The following PPIL6 variants were observed in gnomAD, a reference collection of about 807,000 sequenced individuals.
PPIL6 encodes peptidylprolyl isomerase like 6, also known as probable inactive peptidyl-prolyl cis-trans isomerase-like 6.
A neutral mutation model predicts 36.8 loss-of-function variants in PPIL6; 39 were observed. The observed-to-expected ratio is 1.06, with a 90% CI of 0.82 to 1.38. PPIL6 has a LOEUF of 1.38. Ranked by LOEUF, PPIL6 falls within the 40% of genes most tolerant of loss-of-function variation. The pLI is 0.00. For missense variants in PPIL6, 368 were observed against 379.1 expected, an observed-to-expected ratio of 0.97 and a Z score of 0.24; for synonymous variants, 123 against 134.1, an observed-to-expected ratio of 0.92 and a Z score of 0.57.
chr6:109,396,380 C>T (rs757458890), intron 7 of PPIL6, among the ~76,000 whole-genome samples: 46 of 152,174 alleles, frequency 3.0e-4, no homozygotes, highest in Non-Finnish European at 6.2e-4. Context: ...CAGCATGGCA[C>T]CCGCAGTCCA....
intron 6 of PPIL6, among the ~76,000 whole-genome samples, chr6:109,414,477 C>CTTTTTTTTTTTTTTTTTTTTTT (rs146541023): frequency 1.2e-5 from 1 of 86,512 alleles, no homozygotes; most frequent in Non-Finnish European, 2.0e-5. Context: ...TGTCTTTTAG[C>CTTTTTTTTTTTTTTTTTTTTTT]TTTTTTTTTT....
chr6:109,410,966 T>C (rs973574592), intron 6 of PPIL6, among the ~76,000 whole-genome samples: 1 of 152,252 alleles, frequency 6.6e-6, no homozygotes, highest in African/African-American at 2.4e-5. Context: ...CACATCCCAA[T>C]AGGGCTTCTG....
intron 7 of PPIL6, 66 bp from the exon 8 acceptor site, chr6:109,393,003 G>A (rs1772151807): frequency 7.0e-6 from 6 of 857,994 alleles, no homozygotes; most frequent in South Asian, 4.6e-5. Flanking sequence ...TTAACATTCC[G>A]AAATGGGGTC....
chr6:109,396,382 C>A (rs1234489145), intron 7 of PPIL6, among the ~76,000 whole-genome samples: 1 of 152,154 alleles, frequency 6.6e-6, no homozygotes, highest in East Asian at 1.9e-4. Context: ...GCATGGCACC[C>A]GCAGTCCATT....
intron 6 of PPIL6, among the ~76,000 whole-genome samples, chr6:109,405,661 T>C (rs1378896255): frequency 6.6e-6 from 1 of 152,102 alleles, no homozygotes; most frequent in Non-Finnish European, 1.5e-5. Context: ...TGAGAAACAC[T>C]AGGGAAATGA....
chr6:109,429,537 G>A (rs1026005842), intron 3 of PPIL6, among the ~76,000 whole-genome samples: 7 of 152,130 alleles, frequency 4.6e-5, no homozygotes, highest in Admixed American at 4.6e-4. Context: ...AAAGGGGCCA[G>A]ATTCTCCCTC....
chr6:109,440,167 T>C (rs1337332542), intron 1 of PPIL6: 3 of 498,422 alleles, frequency 6.0e-6, no homozygotes, highest in Admixed American at 2.6e-5. Flanking sequence ...TGTGTGTGTC[T>C]CGGAGGGGAT....
intron 1 of PPIL6, among the ~76,000 whole-genome samples, chr6:109,437,135 T>C (rs1337749821): frequency 2.0e-5 from 3 of 152,244 alleles, no homozygotes; most frequent in African/African-American, 7.2e-5. Context: ...TCTTATTGGT[T>C]AGCAATCCAG....
upstream of PPIL6, chr6:109,440,858 C>A: frequency 1.9e-6 from 1 of 525,232 alleles, no homozygotes; most frequent in Non-Finnish European, 3.3e-6. Flanking sequence ...TAGCGCGCGG[C>A]CCTTACCGAG....
upstream of PPIL6, chr6:109,441,101 C>G: frequency 6.2e-7 from 1 of 1,613,950 alleles, no homozygotes; most frequent in Non-Finnish European, 8.5e-7. Flanking sequence ...AGCCGCCTAG[C>G]GCCCCTGGAG....
Position 109,432,914 on chromosome 6 carries a change from C to T in PPIL6, c.232-1569G>A, listed in dbSNP as rs554339189. Among the ~76,000 whole-genome samples the T allele has an allele frequency of 7.2e-5, 11 of 152,256 alleles. 1 individual carries two copies. The highest frequency in any genetic ancestry group is 2.6e-4 in the African/African-American group (11 of 41,558). On this transcript the variant is annotated intron_variant, in intron 2 of 7. Transcript: ENST00000521072. ...GATTTAATATCCTATTGCTTGCTTC[C>T]TATGCCCTTATCAAAACCTGCTTCT...
intron 5 of PPIL6, among the ~76,000 whole-genome samples, chr6:109,423,556 T>C (rs929342020): frequency 1.3e-5 from 2 of 152,274 alleles, no homozygotes; most frequent in African/African-American, 4.8e-5. Flanking sequence ...TATTGAAAAA[T>C]GAATCTTTGT....
In PPIL6 at chr6:109,426,606, A is replaced by G. The variant is rs554398775; in HGVS notation, c.631+241T>C. ...AAATAAAATGTCACCCTACTCTCCTATGTCATTTTTGAATTTGGAATATTC... is the reference window on the plus strand; with the variant it reads ...AAATAAAATGTCACCCTACTCTCCTGTGTCATTTTTGAATTTGGAATATTC... On this transcript the variant is annotated intron_variant, in intron 5 of 7. Transcript: ENST00000521072. Among the ~76,000 whole-genome samples, 20 of 152,298 alleles carry G rather than the reference A, an allele frequency of 1.3e-4. No individual in the cohort carries two copies. The South Asian group carries it at 4.1e-3, about 32-fold the overall frequency.
intron 5 of PPIL6, among the ~76,000 whole-genome samples, chr6:109,422,244 G>A (rs1773588757): frequency 6.6e-6 from 1 of 152,136 alleles, no homozygotes; most frequent in South Asian, 2.1e-4. Context: ...TTGGGAGGCT[G>A]AAGTGGGAGG....
chr6:109,436,245 A>AG lies in PPIL6; in HGVS notation c.136-47_136-46insC, dbSNP rs781065814. On this transcript the variant is annotated intron_variant, in intron 1 of 7. Transcript: ENST00000521072. ...ATTATTTTAGAGTTAGTTCTCTTTTAAAGTCAAAATCATGTTCCCCAATTT... is the reference window on the plus strand; with the variant it reads ...ATTATTTTAGAGTTAGTTCTCTTTTAGAAGTCAAAATCATGTTCCCCAATTT... 6 of 1,180,626 alleles carry AG rather than the reference A, an allele frequency of 5.1e-6. 1 individual carries two copies. Among genetic ancestry groups the AG allele is most frequent in the Middle Eastern group, 2.0e-4 (1 of 4,938 alleles). 73.1% of individuals were successfully genotyped at this position (1,180,626 alleles called of 1,614,324 possible).
chr6:109,429,418 C>T (rs965756337), intron 3 of PPIL6, among the ~76,000 whole-genome samples: 5 of 152,186 alleles, frequency 3.3e-5, no homozygotes, highest in African/African-American at 1.2e-4. Context: ...ATAACCCAGC[C>T]TCAATCTTTC....
In PPIL6 at chr6:109,427,114, T is replaced by C. The variant is rs1035426241; in HGVS notation, c.463A>G (p.Ile155Val). ...ATCACCTCAAAAATCAATCTTCCAA[T>C]TGGAGAAGAATCAATACAAATGTCC... Reference protein sequence around the residue: ...FLDICIDSSPIGRLIFELYCD... With the variant: ...FLDICIDSSPVGRLIFELYCD... Residue 155 changes from isoleucine to valine, a missense_variant, in exon 4 of 8, where the codon ATT becomes GTT. Physicochemically the swap from Ile to Val is conservative, Grantham distance 29. Transcript: ENST00000521072. 1.6e-5 allele frequency: 25 copies of C among 1,611,918 alleles called. No homozygotes were observed. Among genetic ancestry groups the C allele is most frequent in the Non-Finnish European group, 8.5e-6 (10 of 1,178,486 alleles).
chr6:109,420,949 A>T (rs1476481424), intron 5 of PPIL6, among the ~76,000 whole-genome samples: 1 of 152,256 alleles, frequency 6.6e-6, no homozygotes, highest in Non-Finnish European at 1.5e-5. Flanking sequence ...GCCATGGTTC[A>T]CTACCCAGCC....
intron 5 of PPIL6, among the ~76,000 whole-genome samples, chr6:109,423,923 A>G (rs1252763783): frequency 6.6e-6 from 1 of 152,200 alleles, no homozygotes; most frequent in Non-Finnish European, 1.5e-5. Flanking sequence ...AGCACCTACT[A>G]TATCTCAAGC....
Sources: gnomAD v4.1 joint callset for allele counts (sites outside exome capture counted in the v4.1 genomes callset) on GRCh38, gnomAD v4.1.1 for gene constraint, MANE v1.5 for transcripts, NCBI Gene and HGNC (gene_info 2026-07-23, HGNC 2026-07-21) for gene names.